Variants in TMEM165 observed in about 807,000 individuals in gnomAD.
TMEM165 encodes the protein putative divalent cation/proton antiporter TMEM165.
Under a neutral mutation model 30.0 loss-of-function variants are expected in TMEM165, and 19 were observed. That is an observed-to-expected ratio of 0.63 (90% CI 0.44 to 0.93). The LOEUF (loss-of-function observed/expected upper bound fraction) is 0.93. Ranked by LOEUF, TMEM165 falls within the 40% of genes least tolerant of loss-of-function variation. TMEM165 has a pLI of 0.00. For synonymous variants in TMEM165, 168 were observed against 162.9 expected, an observed-to-expected ratio of 1.03 and a Z score of -0.24; for missense variants, 340 against 417.0, an observed-to-expected ratio of 0.82 and a Z score of 1.61.
At chr4:55,400,272 A>AATATATATTATATATAATATTAT (rs1410401458) in intron 1 of TMEM165, among the ~76,000 whole-genome samples, 8 of 83,174 alleles carry the variant, frequency 9.6e-5, no homozygotes, top group Non-Finnish European at 1.3e-4. Context: ...TATAATATAT[A>AATATATATTATATATAATATTAT]ATATAATATT....
intron 1 of TMEM165, among the ~76,000 whole-genome samples, chr4:55,410,621 C>T (rs1721450825): frequency 6.6e-6 from 1 of 152,190 alleles, no homozygotes; most frequent in African/African-American, 2.4e-5. Flanking sequence ...TCTGTGTTAA[C>T]AGCTGTATTA....
At chr4:55,449,570 T>C in intron 3 of TMEM165, 1 of 1,264,338 alleles carries the variant, frequency 7.9e-7, no homozygotes, top group Admixed American at 1.7e-5. Flanking sequence ...TCAAAATGTA[T>C]TTCAGTTAAT....
chr4:55,435,521 G>A, intron 3 of TMEM165: 1 of 1,614,042 alleles, frequency 6.2e-7, no homozygotes. Flanking sequence ...CTGAGGGAAG[G>A]TGCTCTGTTG....
At chr4:55,452,679 G>C (rs1724572988) in exon 4 of TMEM165, 1 of 197,116 alleles carries the variant, frequency 5.1e-6, no homozygotes, top group African/African-American at 2.4e-5. Flanking sequence ...AGTGTCTTTA[G>C]GGAAGATTTT....
exon 4 of TMEM165, chr4:55,453,213 C>A (rs879766585): frequency 9.2e-7 from 1 of 1,088,552 alleles, no homozygotes; most frequent in South Asian, 1.3e-5. Context: ...AGTGTTGTTA[C>A]GTGTCTCATC....
intron 1 of TMEM165, among the ~76,000 whole-genome samples, chr4:55,410,436 CAG>C (rs1474662364): frequency 2.0e-5 from 3 of 152,094 alleles, no homozygotes; most frequent in Admixed American, 1.3e-4. Context: ...TTTTTTGAGA[CAG>C]AGTTTCACTC....
intron 3 of TMEM165, chr4:55,435,592 A>G: frequency 6.2e-7 from 1 of 1,613,826 alleles, no homozygotes; most frequent in Non-Finnish European, 8.5e-7. Flanking sequence ...GCAACCTAGA[A>G]GTCTAAAAAA....
chr4:55,432,875 AT>A (rs1239551406), intron 3 of TMEM165: 3 of 152,594 alleles, frequency 2.0e-5, no homozygotes. Flanking sequence ...ATGGGAAATA[AT>A]TGAAGGGGCT....
intron 3 of TMEM165, among the ~76,000 whole-genome samples, chr4:55,451,191 C>T (rs1204148558): frequency 6.6e-6 from 1 of 152,156 alleles, no homozygotes; most frequent in Non-Finnish European, 1.5e-5. Context: ...TCTAATCATG[C>T]TTTCACCCAC....
At chr4:55,444,602 T>C in intron 3 of TMEM165, 1 of 1,613,676 alleles carries the variant, frequency 6.2e-7, no homozygotes, top group Non-Finnish European at 8.5e-7. Context: ...GTGAATGGGA[T>C]GCTTTGTTTG....
intron 2 of TMEM165, 160 bp downstream of exon 2, chr4:55,411,999 C>T: frequency 4.4e-6 from 3 of 683,036 alleles, no homozygotes; most frequent in Non-Finnish European, 7.6e-6. Context: ...CCTTGTGTAT[C>T]CTCTAAAATA....
At chr4:55,398,444 C>G (rs1189477480) in intron 1 of TMEM165, among the ~76,000 whole-genome samples, 2 of 152,240 alleles carry the variant, frequency 1.3e-5, no homozygotes, top group African/African-American at 4.8e-5. Context: ...GAATTAGAAT[C>G]TGGACTTCTG....
chr4:55,432,303 C>T (rs1278825801), intron 3 of TMEM165: 1 of 151,996 alleles, frequency 6.6e-6, no homozygotes, highest in South Asian at 2.1e-4. Flanking sequence ...CTAGTTCTCA[C>T]TTGCATTTGT....
Position 55,396,349 on chromosome 4 carries a change from C to G in TMEM165, c.160C>G (p.Gln54Glu). 4 of 1,512,304 alleles carry G rather than the reference C, an allele frequency of 2.6e-6. No homozygotes were observed. The highest frequency in any genetic ancestry group is 3.5e-6 in the Non-Finnish European group (4 of 1,135,374). 93.7% of individuals were successfully genotyped at this position (1,512,304 alleles called of 1,614,324 possible). Residue 54 changes from glutamine to glutamate, a missense_variant, in exon 1 of 6, where the codon CAG becomes GAG. By Grantham distance (29) the Gln-to-Glu change is conservative. Transcript: ENST00000381334. ...KEPPAPAQQL[Q>E]PQPVAVQGPE... ...ACCGCCGGCGCCGGCCCAGCAGCTG[C>G]AGCCGCAGCCTGTGGCTGTGCAGGG... is the stretch of plus-strand genomic sequence containing the variant.
rs147839068 is a variant in TMEM165 at position 55,407,119 on chromosome 4, G to A, written c.208-4495G>A. On this transcript the variant is annotated intron_variant, in intron 1 of 5. Coordinates refer to ENST00000381334, the MANE Select transcript of TMEM165 (RefSeq NM_018475.5). ...AGTTTGCATTCAGTTTTATTGTAGTGGGTCAGGATCATTAAGAGCTGGAGT... is the reference window on the plus strand; with the variant it reads ...AGTTTGCATTCAGTTTTATTGTAGTAGGTCAGGATCATTAAGAGCTGGAGT... Among the ~76,000 whole-genome samples, 5 of 152,278 alleles carry A rather than the reference G, an allele frequency of 3.3e-5. No homozygotes were observed. In the East Asian group the frequency reaches 9.6e-4, roughly 29 times the overall value.
rs1334888892 is a variant in TMEM165, at chr4:55,402,403, G to GTGTGTGTATATA, written c.207+6008_207+6009insGTGTGTATATAT. Among the ~76,000 whole-genome samples, 12 of 48,160 alleles carry GTGTGTGTATATA rather than the reference G, an allele frequency of 2.5e-4. No individual in the cohort carries two copies. The East Asian group carries it at 3.4e-3, about 14-fold the overall frequency. 31.6% of individuals were successfully genotyped at this position (48,160 alleles called of 152,430 possible). A position where few individuals can be genotyped will look rare whatever the true frequency, so the allele number is the denominator to read the frequency against. ...TAAGTGCGTGCGTGTGTGTGTGTGT[G>GTGTGTGTATATA]TATATATATATATATATATATATAT... On this transcript the variant is annotated intron_variant, in intron 1 of 5. Transcript: ENST00000381334.
intron 1 of TMEM165, among the ~76,000 whole-genome samples, chr4:55,402,119 CA>C (rs71194551): frequency 3.7e-4 from 40 of 106,982 alleles, no homozygotes; most frequent in Middle Eastern, 4.0e-3. Flanking sequence ...ACTCTGTCTC[CA>C]AAAAAAAAAA....
chr4:55,442,515 G>A (rs2109682091), intron 3 of TMEM165: 2 of 1,609,508 alleles, frequency 1.2e-6, no homozygotes, highest in Non-Finnish European at 1.7e-6. Context: ...TCTGGACCAT[G>A]CTTCCGGCTG....
intron 3 of TMEM165, chr4:55,449,586 T>G: frequency 1.7e-6 from 2 of 1,153,428 alleles, no homozygotes; most frequent in Non-Finnish European, 2.6e-6. Context: ...TTAATAAAAA[T>G]GGCTTTTGAA....
Sources: gnomAD v4.1 joint callset for allele counts (sites outside exome capture counted in the v4.1 genomes callset) on GRCh38, gnomAD v4.1.1 for gene constraint, MANE v1.5 for transcripts, NCBI Gene and HGNC (gene_info 2026-07-23, HGNC 2026-07-21) for gene names.